NCAM1: variants seen among roughly 807,000 people sequenced by gnomAD.
The protein encoded by NCAM1 is neural cell adhesion molecule 1, also known as antigen recognized by monoclonal antibody 5.1H11.
A neutral mutation model predicts 109.8 loss-of-function variants in NCAM1; 14 were observed. The ratio of observed to expected loss-of-function variants is 0.13; its 90% confidence interval spans 0.08 to 0.20. The LOEUF (loss-of-function observed/expected upper bound fraction) is 0.20, where lower values mean the gene tolerates loss of function less well. NCAM1 is among the 10% of genes least tolerant of loss of function. NCAM1 has a pLI of 1.00. For synonymous variants in NCAM1, 418 were observed against 442.9 expected (o/e 0.94, Z 0.70); for missense variants, 774 against 1,109.9 (o/e 0.70, Z 4.30).
chr11:113,008,597 T>C (rs1258074985), intron 1 of NCAM1, among the ~76,000 whole-genome samples: 1 of 152,226 alleles, frequency 6.6e-6, no homozygotes, highest in Non-Finnish European at 1.5e-5. Flanking sequence ...AATTATGGTT[T>C]TGATTTCAAA....
At position 113,007,120 on chromosome 11, in the gene NCAM1, A is replaced by G. The variant is rs538363042; in HGVS notation, c.52+45456A>G. ...AATCGGGGCAACTTTCCAAATAATTACACTTCAGGTTAGGACCTATTGTCT... is the reference window on the plus strand; with the variant it reads ...AATCGGGGCAACTTTCCAAATAATTGCACTTCAGGTTAGGACCTATTGTCT... On this transcript the variant is annotated intron_variant, in intron 1 of 19. Transcript: ENST00000316851. Among the ~76,000 whole-genome samples the G allele has an allele frequency of 1.1e-4, 17 of 152,290 alleles. No individual in the cohort carries two copies. The South Asian group carries it at 3.3e-3, about 30-fold the overall frequency.
In NCAM1 at chr11:113,151,764, A is replaced by G. The variant is rs890640434; in HGVS notation, c.53-50615A>G. Among the ~76,000 whole-genome samples, 10 of 152,374 alleles carry G rather than the reference A, an allele frequency of 6.6e-5. No individual in the cohort carries two copies. In the South Asian group the frequency reaches 1.9e-3, roughly 28 times the overall value. On this transcript the variant is annotated intron_variant, in intron 1 of 19. Coordinates refer to ENST00000316851, the MANE Select transcript of NCAM1 (RefSeq NM_181351.5). ...CCCATACCAGCAGCTCTTAGCTTTC[A>G]GTTTTCTGAGCTTTGTTACTCATCG...
chr11:113,030,667 C>G (rs1952687401), intron 1 of NCAM1, among the ~76,000 whole-genome samples: 1 of 152,114 alleles, frequency 6.6e-6, no homozygotes, highest in African/African-American at 2.4e-5. Flanking sequence ...CTTTCCAGAT[C>G]TTGTTAAGGT....
chr11:113,275,464 ACACACACACGCACG>A lies in NCAM1; in HGVS notation c.*87_*100del. Reference sequence around the variant, plus strand: ...CACCAGAGCATTTCCAACACCACAGACACACACACGCACGCACACACACAAACACACATGCACAC... The same window carrying A: ...CACCAGAGCATTTCCAACACCACAGACACACACACAAACACACATGCACAC... On this transcript the variant is annotated 3_prime_UTR_variant, in exon 20 of 20. Coordinates refer to ENST00000316851, the MANE Select transcript of NCAM1 (RefSeq NM_181351.5). The A allele has an allele frequency of 6.5e-7, 1 of 1,528,294 alleles. No homozygotes were observed. Among genetic ancestry groups the A allele is most frequent in the Non-Finnish European group, 8.9e-7 (1 of 1,124,618 alleles). The allele number at this position is 1,528,294 out of a possible 1,614,324, so 94.7% of individuals were successfully genotyped here.
At chr11:112,984,113 G>C (rs989496247) in intron 1 of NCAM1, among the ~76,000 whole-genome samples, 1 of 151,748 alleles carries the variant, frequency 6.6e-6, no homozygotes, top group South Asian at 2.1e-4. Flanking sequence ...TATGTATTTA[G>C]TTTTGTTTGT....
chr11:112,999,923 G>A (rs1951698468), intron 1 of NCAM1, among the ~76,000 whole-genome samples: 1 of 152,176 alleles, frequency 6.6e-6, no homozygotes, highest in Admixed American at 6.5e-5. Flanking sequence ...AACAAAGTTT[G>A]TTTAAATTAA....
chr11:113,275,255 G>A lies in NCAM1; in HGVS notation c.2457-12G>A. The A allele has an allele frequency of 6.2e-7, 1 of 1,613,424 alleles. No homozygotes were observed. Among genetic ancestry groups the A allele is most frequent in the Non-Finnish European group, 8.5e-7 (1 of 1,179,716 alleles). The stretch of plus-strand genomic sequence containing the variant: ...GTGGTCTCAGTGGTTCTGTTTTCCT[G>A]ATTCTCTGCAGGAAGGGCCCCGTAG... On this transcript the variant is annotated splice_polypyrimidine_tract_variant and intron_variant, in intron 19 of 19. Transcript: ENST00000316851.
intron 17 of NCAM1, chr11:113,262,875 A>C (rs1946048095): frequency 1.1e-5 from 17 of 1,613,746 alleles, no homozygotes; most frequent in Non-Finnish European, 1.4e-5. Context: ...TGCATCCTAC[A>C]CCTTTGTCTC....
At chr11:113,043,918 G>A (rs1719793667) in intron 1 of NCAM1, among the ~76,000 whole-genome samples, 1 of 151,396 alleles carries the variant, frequency 6.6e-6, no homozygotes, top group Non-Finnish European at 1.5e-5. Context: ...GAATGTAAAT[G>A]TGCCTAGATG....
chr11:113,031,572 A>G (rs1274363646), intron 1 of NCAM1, among the ~76,000 whole-genome samples: 1 of 152,018 alleles, frequency 6.6e-6, no homozygotes, highest in Non-Finnish European at 1.5e-5. Context: ...GGCTCCTGTA[A>G]TCCCAGCTAC....
At chr11:113,216,204 A>G (rs1944525022) in intron 8 of NCAM1, among the ~76,000 whole-genome samples, 1 of 136,216 alleles carries the variant, frequency 7.3e-6, no homozygotes. Flanking sequence ...GCTGGAGTGC[A>G]GTGGCGCGAT....
intron 17 of NCAM1, chr11:113,263,801 C>A (rs1055770056): frequency 1.7e-5 from 17 of 985,548 alleles, no homozygotes; most frequent in Non-Finnish European, 2.0e-5. Flanking sequence ...CCACTGTGAA[C>A]CAGGCATTAG....
rs183040022 is a variant in NCAM1 at position 113,248,958 on chromosome 11, C to T, written c.1828+2588C>T. ...TGCAGGGCTTCCTCCAATGACTCCA[C>T]GGAGCCGTGGCTTTGTCCACCAGCT... is the stretch of plus-strand genomic sequence containing the variant. On this transcript the variant is annotated intron_variant, in intron 15 of 19. Coordinates refer to ENST00000316851, the MANE Select transcript of NCAM1 (RefSeq NM_181351.5). Among the ~76,000 whole-genome samples, 4 of 152,284 alleles carry T rather than the reference C, an allele frequency of 2.6e-5. No homozygotes were observed. In the East Asian group the frequency reaches 5.8e-4, roughly 22 times the overall value.
At chr11:113,248,889 G>A (rs1440478957) in intron 15 of NCAM1, among the ~76,000 whole-genome samples, 1 of 152,176 alleles carries the variant, frequency 6.6e-6, no homozygotes, top group Non-Finnish European at 1.5e-5. Flanking sequence ...AAAAGAAGAA[G>A]TGAGGATGCA....
intron 17 of NCAM1, among the ~76,000 whole-genome samples, chr11:113,268,965 T>A (rs1245584608): frequency 6.6e-6 from 1 of 152,172 alleles, no homozygotes; most frequent in Non-Finnish European, 1.5e-5. Context: ...AGACATAGTC[T>A]ACTGGTGGGG....
chr11:113,058,391 G>A (rs1555082944), intron 1 of NCAM1, among the ~76,000 whole-genome samples: 1 of 152,180 alleles, frequency 6.6e-6, no homozygotes, highest in Admixed American at 6.5e-5. Context: ...CAGGGAGCCC[G>A]ATAGAAAAGG....
intron 1 of NCAM1, among the ~76,000 whole-genome samples, chr11:113,039,204 T>A (rs1336865402): frequency 1.3e-5 from 2 of 152,234 alleles, no homozygotes; most frequent in Admixed American, 1.3e-4. Flanking sequence ...TTGTCCAGAT[T>A]TGTTTTTTGC....
At chr11:113,018,088 C>G (rs1952263415) in intron 1 of NCAM1, among the ~76,000 whole-genome samples, 1 of 152,106 alleles carries the variant, frequency 6.6e-6, no homozygotes, top group Non-Finnish European at 1.5e-5. Context: ...GATCTTACTT[C>G]TCTTATGCTG....
chr11:113,049,415 A>ATGTAATTTGTAATGT (rs1953386897), intron 1 of NCAM1, among the ~76,000 whole-genome samples: 1 of 152,170 alleles, frequency 6.6e-6, no homozygotes, highest in South Asian at 2.1e-4. Context: ...GCCAGAAATT[A>ATGTAATTTGTAATGT]GCCTATGTAA....
Sources: allele counts gnomAD v4.1 joint callset (sites outside exome capture counted in the v4.1 genomes callset), GRCh38; gene constraint gnomAD v4.1.1; transcripts MANE v1.5; gene names NCBI Gene and HGNC (gene_info 2026-07-23, HGNC 2026-07-21).